GNG12: variants seen among roughly 807,000 people sequenced by gnomAD.
GNG12 encodes G protein subunit gamma 12, also known as guanine nucleotide-binding protein G(I)/G(S)/G(O) subunit gamma-12.
For missense variants in GNG12, 69 were observed against 83.8 expected (o/e 0.82, Z 0.69); for synonymous variants, 28 against 29.7 (o/e 0.94, Z 0.19).
In GNG12 at chr1:67,795,007, T is replaced by C. The variant is rs963382305; in HGVS notation, c.-76-17500A>G. ...AAAGTACAGAAAATACGATACCCAT[T>C]TTAGAGATAAGGACACAGGGGTACA... On this transcript the variant is annotated intron_variant, in intron 1 of 3. Transcript: ENST00000370982. 3.9e-5 allele frequency among the ~76,000 whole-genome samples: 6 copies of C among 152,250 alleles called. No individual in the cohort carries two copies. In the East Asian group the frequency reaches 5.8e-4, roughly 15 times the overall value.
At chr1:67,799,139 T>C (rs1646849476) in intron 1 of GNG12, among the ~76,000 whole-genome samples, 1 of 152,168 alleles carries the variant, frequency 6.6e-6, no homozygotes, top group South Asian at 2.1e-4. Flanking sequence ...AGGCTATTAA[T>C]AGTAATGTTT....
chr1:67,748,943 C>T (rs1031934607), intron 2 of GNG12, among the ~76,000 whole-genome samples: 5 of 151,882 alleles, frequency 3.3e-5, no homozygotes, highest in East Asian at 1.9e-4. Context: ...CTCTCCCTTT[C>T]GGTTGGCCAA....
chr1:67,721,026 C>T (rs1646353516), intron 2 of GNG12, among the ~76,000 whole-genome samples: 1 of 152,190 alleles, frequency 6.6e-6, no homozygotes, highest in African/African-American at 2.4e-5. Context: ...AGCTCCAGGG[C>T]TGACATGAAG....
At chr1:67,748,959 C>T (rs1018520549) in intron 2 of GNG12, among the ~76,000 whole-genome samples, 5 of 151,076 alleles carry the variant, frequency 3.3e-5, no homozygotes, top group Non-Finnish European at 1.5e-5. Context: ...GCCAACTCAA[C>T]ACTTCCCTTA....
At position 67,789,045 on chromosome 1, in the gene GNG12, C is replaced by T. The variant is rs182468337; in HGVS notation, c.-76-11538G>A. 3.2e-3 allele frequency among the ~76,000 whole-genome samples: 494 copies of T among 152,326 alleles called. 2 individuals are homozygous for T. The highest frequency in any genetic ancestry group is 6.8e-3 in the Middle Eastern group (2 of 294). On this transcript the variant is annotated intron_variant, in intron 1 of 3. Coordinates refer to ENST00000370982, the MANE Select transcript of GNG12 (RefSeq NM_018841.6). ...AGCGGGAGCTCAGAGCTGAGGCACA[C>T]AGTTCTTGTCCAATAAAAGGAAGGA...
At chr1:67,718,430 T>C (rs970260989) in intron 2 of GNG12, among the ~76,000 whole-genome samples, 1 of 152,204 alleles carries the variant, frequency 6.6e-6, no homozygotes, top group African/African-American at 2.4e-5. Context: ...ATTGTAAATA[T>C]TATTGAAATG....
chr1:67,711,152 T>G (rs974515013), intron 2 of GNG12, among the ~76,000 whole-genome samples: 1 of 152,178 alleles, frequency 6.6e-6, no homozygotes, highest in Non-Finnish European at 1.5e-5. Flanking sequence ...CCTTCATAGA[T>G]TTATTAAACA....
chr1:67,786,524 T>C (rs1451711162), intron 1 of GNG12, among the ~76,000 whole-genome samples: 1 of 152,160 alleles, frequency 6.6e-6, no homozygotes, highest in African/African-American at 2.4e-5. Context: ...AGAGGGTTTG[T>C]AGCTTGTTGG....
intron 1 of GNG12, among the ~76,000 whole-genome samples, chr1:67,792,354 T>TC (rs1646806537): frequency 6.6e-6 from 1 of 152,238 alleles, no homozygotes; most frequent in Non-Finnish European, 1.5e-5. Context: ...AAATATTTTA[T>TC]TGAACTTGAT....
chr1:67,779,959 A>G (rs1463482435), intron 1 of GNG12, among the ~76,000 whole-genome samples: 1 of 152,166 alleles, frequency 6.6e-6, no homozygotes, highest in African/African-American at 2.4e-5. Flanking sequence ...CTAAACATAG[A>G]AAAGGTATAG....
chr1:67,786,515 G>A (rs1487928297), intron 1 of GNG12, among the ~76,000 whole-genome samples: 1 of 152,210 alleles, frequency 6.6e-6, no homozygotes, highest in Non-Finnish European at 1.5e-5. Context: ...TGTAGAGGAA[G>A]AGGGTTTGTA....
chr1:67,727,951 G>A (rs1006787975), intron 2 of GNG12, among the ~76,000 whole-genome samples: 19 of 152,320 alleles, frequency 1.2e-4, no homozygotes, highest in African/African-American at 4.1e-4. Context: ...TGCCCTATCA[G>A]TTGCTTCTCC....
chr1:67,793,436 A>G (rs1287722700), intron 1 of GNG12, among the ~76,000 whole-genome samples: 2 of 152,192 alleles, frequency 1.3e-5, no homozygotes, highest in South Asian at 4.1e-4. Context: ...ATCCTATTCA[A>G]TTGTTTGGGA....
chr1:67,753,306 T>G (rs1343292199), intron 2 of GNG12, among the ~76,000 whole-genome samples: 1 of 152,010 alleles, frequency 6.6e-6, no homozygotes, highest in Non-Finnish European at 1.5e-5. Context: ...CATTTCAAAT[T>G]TGGGATGCTC....
chr1:67,832,326 C>G (rs1647051682), intron 1 of GNG12: 1 of 152,116 alleles, frequency 6.6e-6, no homozygotes, highest in South Asian at 2.1e-4. Flanking sequence ...CAACCACGCC[C>G]GGCAGGATGA....
intron 1 of GNG12, among the ~76,000 whole-genome samples, chr1:67,778,437 C>G (rs1038752896): frequency 5.9e-5 from 9 of 152,072 alleles, no homozygotes; most frequent in African/African-American, 1.9e-4. Context: ...AGAAGTCCGA[C>G]GCATATGAAG....
chr1:67,790,650 C>G (rs1256419157), intron 1 of GNG12, among the ~76,000 whole-genome samples: 3 of 146,242 alleles, frequency 2.1e-5, no homozygotes, highest in Non-Finnish European at 4.5e-5. Flanking sequence ...CGCTCTGTTG[C>G]TCAGGCTGGA....
At chr1:67,782,247 T>C (rs1646741371) in intron 1 of GNG12, among the ~76,000 whole-genome samples, 1 of 152,226 alleles carries the variant, frequency 6.6e-6, no homozygotes. Flanking sequence ...AATTTGTCTT[T>C]ATTAGATGTT....
chr1:67,832,018 G>C (rs1432289401), intron 1 of GNG12, among the ~76,000 whole-genome samples: 1 of 152,198 alleles, frequency 6.6e-6, no homozygotes, highest in Admixed American at 6.5e-5. Flanking sequence ...AGAAGGCACA[G>C]ACGCAGACCC....
Sources: gnomAD v4.1 joint callset for allele counts (sites outside exome capture counted in the v4.1 genomes callset) on GRCh38, gnomAD v4.1.1 for gene constraint, MANE v1.5 for transcripts, NCBI Gene and HGNC (gene_info 2026-07-23, HGNC 2026-07-21) for gene names.